ADCY9: variants seen among roughly 807,000 people sequenced by gnomAD.
The protein encoded by ADCY9 is adenylate cyclase 9.
A neutral mutation model predicts 101.5 loss-of-function variants in ADCY9; 50 were observed. The ratio of observed to expected loss-of-function variants is 0.49; its 90% CI spans 0.39 to 0.62. ADCY9 has a LOEUF of 0.62. ADCY9 is among the 20% of genes least tolerant of loss of function. ADCY9 has a pLI of 0.00. For synonymous variants in ADCY9, 905 were observed against 769.3 expected (o/e 1.18, Z -2.92); for missense variants, 1,662 against 1,800.4 (o/e 0.92, Z 1.39).
At chr16:4,064,790 T>G (rs2056791278) in intron 2 of ADCY9, among the ~76,000 whole-genome samples, 1 of 152,066 alleles carries the variant, frequency 6.6e-6, no homozygotes, top group Middle Eastern at 3.2e-3. Context: ...GCAACGTGGT[T>G]TTTGTTTGCT....
intron 2 of ADCY9, among the ~76,000 whole-genome samples, chr16:4,062,005 T>C (rs534083252): frequency 2.0e-5 from 3 of 152,240 alleles, no homozygotes; most frequent in South Asian, 4.1e-4. Context: ...TTATTGAAAA[T>C]GAATTAGCAT....
intron 2 of ADCY9, among the ~76,000 whole-genome samples, chr16:4,071,094 C>T (rs2056830788): frequency 6.6e-6 from 1 of 152,024 alleles, no homozygotes. Context: ...CTTTGGGAGG[C>T]CCAGGTGGGC....
chr16:4,113,309 G>A (rs1214889044), intron 2 of ADCY9, among the ~76,000 whole-genome samples: 1 of 152,170 alleles, frequency 6.6e-6, no homozygotes, highest in Non-Finnish European at 1.5e-5. Flanking sequence ...GCCTAGAGAG[G>A]AGAAAGATTT....
At chr16:4,087,449 T>C (rs2056946037) in intron 2 of ADCY9, among the ~76,000 whole-genome samples, 1 of 151,396 alleles carries the variant, frequency 6.6e-6, no homozygotes, top group Admixed American at 6.6e-5. Context: ...GACATGAGAA[T>C]TGTTTGAACC....
chr16:4,042,159 A>AAG (rs2056632042), intron 2 of ADCY9, among the ~76,000 whole-genome samples: 1 of 151,902 alleles, frequency 6.6e-6, no homozygotes, highest in Non-Finnish European at 1.5e-5. Context: ...TCCTGACCTT[A>AAG]TGATCCATCC....
intron 2 of ADCY9, among the ~76,000 whole-genome samples, chr16:4,076,031 G>A (rs989535789): frequency 2.0e-5 from 3 of 152,136 alleles, no homozygotes; most frequent in African/African-American, 7.2e-5. Flanking sequence ...TGATGACAGA[G>A]CAAATGCAAA....
At chr16:4,072,728 G>T (rs899904647) in intron 2 of ADCY9, among the ~76,000 whole-genome samples, 2 of 152,136 alleles carry the variant, frequency 1.3e-5, no homozygotes, top group African/African-American at 4.8e-5. Context: ...GATCCAAGAA[G>T]TTTAGAGGAC....
chr16:4,115,655 A>C lies in ADCY9; in HGVS notation c.-44+35T>G. On this transcript the variant is annotated intron_variant, in intron 1 of 10. Coordinates refer to ENST00000294016, the MANE Select transcript of ADCY9 (RefSeq NM_001116.4). This position sits in a 1 kb window ranked among gnomAD's most constrained non-coding sequence, Gnocchi z 6.2. ...TGCTCCCACCGCCCCCACCGCCCCC[A>C]CCTTCGAGGCGCACGAGAACCGCTC... 5.2e-6 allele frequency: 3 copies of C among 580,916 alleles called. No individual in the cohort carries two copies. The highest frequency in any genetic ancestry group is 3.3e-5 in the Admixed American group (1 of 30,474). 36.0% of individuals were successfully genotyped at this position (580,916 alleles called of 1,614,324 possible). A position where few individuals can be genotyped will look rare whatever the true frequency, so the allele number is the denominator to read the frequency against.
rs116959709 is a variant in ADCY9 at position 4,092,618 on chromosome 16, C to T, written c.1693+21132G>A. On this transcript the variant is annotated intron_variant, in intron 2 of 10. Transcript: ENST00000294016. ...GGAAAACGTGTCCTATTTAATAAGA[C>T]ACAAATTTGATTCAAATTTCTCTTT... Among the ~76,000 whole-genome samples, 90 of 152,242 alleles carry T rather than the reference C, an allele frequency of 5.9e-4. No individual in the cohort carries two copies. The East Asian group carries it at 0.016, about 27-fold the overall frequency.
chr16:3,983,282 G>A lies in ADCY9; in HGVS notation c.2469C>T (p.Val823=). The change falls in exon 7 of 11, where the codon GTC becomes GTT. Residue 823 remains valine, a synonymous_variant. Transcript: ENST00000294016. ...CCTCCAGCAGCAGGGCTGCACTGAAGACCGCCAGGGCGGCGGGCGGGGGAG... is the reference window on the plus strand; with the variant it reads ...CCTCCAGCAGCAGGGCTGCACTGAAAACCGCCAGGGCGGCGGGCGGGGGAG... ...TVPPPPAALA[V]FSAALLLEVL... The A allele has an allele frequency of 6.4e-7, 1 of 1,556,516 alleles. No individual in the cohort carries two copies. Among genetic ancestry groups the A allele is most frequent in the African/African-American group, 1.4e-5 (1 of 73,378 alleles).
chr16:3,971,914 C>T (rs555707028), intron 10 of ADCY9, among the ~76,000 whole-genome samples: 5 of 152,182 alleles, frequency 3.3e-5, no homozygotes, highest in African/African-American at 4.8e-5. Flanking sequence ...TGACTCGAGA[C>T]GGGCGCAGGC....
chr16:4,109,225 G>C (rs1002510578), intron 2 of ADCY9, among the ~76,000 whole-genome samples: 1 of 151,656 alleles, frequency 6.6e-6, no homozygotes, highest in Non-Finnish European at 1.5e-5. Context: ...TCCCCTATTT[G>C]AAGGCCTGGT....
chr16:3,974,626 C>G lies in ADCY9; in HGVS notation c.2870+43G>C, dbSNP rs769633665. Reference sequence around the variant, plus strand: ...TTCGAAATGGGCAGGGTAATACAGTCACTCTCGTTTATTCAGACAGAAGTG... The same window carrying G: ...TTCGAAATGGGCAGGGTAATACAGTGACTCTCGTTTATTCAGACAGAAGTG... On this transcript the variant is annotated intron_variant, in intron 10 of 10. Transcript: ENST00000294016. 4.5e-6 allele frequency: 7 copies of G among 1,552,404 alleles called. No individual in the cohort carries two copies. The South Asian group carries it at 7.8e-5, about 17-fold the overall frequency.
chr16:4,023,687 C>T (rs1362167290), intron 2 of ADCY9, among the ~76,000 whole-genome samples: 9 of 152,078 alleles, frequency 5.9e-5, no homozygotes, highest in Non-Finnish European at 1.2e-4. Context: ...CCGAGGTAGG[C>T]GGATCACTTG....
chr16:4,061,098 G>A (rs1316744622), intron 2 of ADCY9, among the ~76,000 whole-genome samples: 1 of 151,974 alleles, frequency 6.6e-6, no homozygotes, highest in African/African-American at 2.4e-5. Context: ...GTTCACTAGA[G>A]GGGCTCAACA....
chr16:4,115,079 A>G lies in ADCY9; in HGVS notation c.364T>C (p.Tyr122His). 1 of 1,614,018 alleles carries G rather than the reference A, an allele frequency of 6.2e-7. No homozygotes were observed. The highest frequency in any genetic ancestry group is 8.5e-7 in the Non-Finnish European group (1 of 1,180,032). The change falls in exon 2 of 11, where the codon TAC becomes CAC. Residue 122 changes from tyrosine to histidine, a missense_variant. Tyr to His is a moderately conservative substitution (Grantham distance 83). Transcript: ENST00000294016. This position sits in a 1 kb window ranked among gnomAD's most constrained non-coding sequence, Gnocchi z 6.2. ...TQRRFRYALFYIGFACLLWSI... is the reference protein window; with the variant it reads ...TQRRFRYALFHIGFACLLWSI... ...CACAGAAGGCAGGCGAAGCCGATGTAGAAGAGCGCATACCGGAACCGGCGC... is the reference window on the plus strand; with the variant it reads ...CACAGAAGGCAGGCGAAGCCGATGTGGAAGAGCGCATACCGGAACCGGCGC...
intron 2 of ADCY9, among the ~76,000 whole-genome samples, chr16:4,109,298 C>T (rs1434589768): frequency 3.9e-5 from 6 of 152,148 alleles, no homozygotes; most frequent in Admixed American, 1.3e-4. Flanking sequence ...GGTGCAATCA[C>T]GGCTCTCTGC....
rs999063710 is a variant in ADCY9 at position 3,965,319 on chromosome 16, C to G, written c.*456G>C. ...AGAGAGGTCGGGTCGTAGAGGAACACTGTGACATAGACAGAAACAAAATAA... is the reference window on the plus strand; with the variant it reads ...AGAGAGGTCGGGTCGTAGAGGAACAGTGTGACATAGACAGAAACAAAATAA... On this transcript the variant is annotated 3_prime_UTR_variant, in exon 11 of 11. Transcript: ENST00000294016. 1.1e-5 allele frequency: 2 copies of G among 184,792 alleles called. No homozygotes were observed. Among genetic ancestry groups the G allele is most frequent in the South Asian group, 1.3e-4 (1 of 7,780 alleles). 11.4% of individuals were successfully genotyped at this position (184,792 alleles called of 1,614,324 possible). A position where few individuals can be genotyped will look rare whatever the true frequency, so the allele number is the denominator to read the frequency against.
chr16:3,979,539 G>A (rs759241244), intron 7 of ADCY9, among the ~76,000 whole-genome samples: 49 of 152,224 alleles, frequency 3.2e-4, no homozygotes, highest in Non-Finnish European at 6.8e-4. Flanking sequence ...CACATGCTTC[G>A]CTCGCCTAAC....
Sources: allele counts gnomAD v4.1 joint callset (sites outside exome capture counted in the v4.1 genomes callset), GRCh38; gene constraint gnomAD v4.1.1; non-coding constraint Gnocchi (gnomAD v3.1); transcripts MANE v1.5; gene names NCBI Gene and HGNC (gene_info 2026-07-23, HGNC 2026-07-21).